BYSL: variants seen among roughly 807,000 people sequenced by gnomAD.
BYSL encodes bystin like.
Under a neutral mutation model 45.4 loss-of-function variants are expected in BYSL, and 21 were observed. The ratio of observed to expected loss-of-function variants is 0.46; its 90% confidence interval spans 0.33 to 0.67. The LOEUF (loss-of-function observed/expected upper bound fraction) is 0.67. Among genes scored for constraint, BYSL ranks in the 30% least tolerant of loss-of-function variants. The probability of loss-of-function intolerance (pLI) is 0.02; values close to 1 mark genes in which losing one functional copy is unlikely to be tolerated. For missense variants in BYSL, 522 were observed against 578.5 expected, an observed-to-expected ratio of 0.90 and a Z score of 1.00; for synonymous variants, 215 against 231.3, an observed-to-expected ratio of 0.93 and a Z score of 0.64.
upstream of BYSL, chr6:41,917,813 C>G: frequency 2.1e-6 from 1 of 470,914 alleles, no homozygotes; most frequent in Non-Finnish European, 4.4e-6. Context: ...TGAACTTGAG[C>G]TGTTCAGCAC....
At chr6:41,920,490 C>T (rs1775433236), upstream of BYSL, among the ~76,000 whole-genome samples, 1 of 152,168 alleles carries the variant, frequency 6.6e-6, no homozygotes, top group Admixed American at 6.6e-5. Flanking sequence ...AGTACTATGG[C>T]CTCACGGGAA....
chr6:41,927,476 T>C lies in BYSL; in HGVS notation c.371T>C (p.Val124Ala). Reference protein sequence around the residue: ...MTAAGHHAEVVVDPEDERAIE... With the variant: ...MTAAGHHAEVAVDPEDERAIE... ...GCAGCGGGCCATCATGCAGAGGTGG[T>C]TGTGGACCCTGAGGATGAGCGTGCC... The change falls in exon 2 of 7, where the codon GTT (valine) becomes GCT (alanine). Residue 124 changes from valine to alanine, a missense_variant. Transcript: ENST00000230340. 1 of 1,614,040 alleles carries C rather than the reference T, an allele frequency of 6.2e-7. No homozygotes were observed. The highest frequency in any genetic ancestry group is 8.5e-7 in the Non-Finnish European group (1 of 1,179,962).
chr6:41,921,223 A>G (rs576139087), upstream of BYSL: 1 of 682,378 alleles, frequency 1.5e-6, no homozygotes, highest in Non-Finnish European at 2.4e-6. Context: ...CACTGACATC[A>G]TCTGCGGATT....
chr6:41,927,475 G>A lies in BYSL; in HGVS notation c.370G>A (p.Val124Ile), dbSNP rs1385411908. The A allele has an allele frequency of 6.2e-7, 1 of 1,614,192 alleles. No individual in the cohort carries two copies. Among genetic ancestry groups the A allele is most frequent in the Non-Finnish European group, 8.5e-7 (1 of 1,180,012 alleles). Reference sequence around the variant, plus strand: ...AGCAGCGGGCCATCATGCAGAGGTGGTTGTGGACCCTGAGGATGAGCGTGC... The same window carrying A: ...AGCAGCGGGCCATCATGCAGAGGTGATTGTGGACCCTGAGGATGAGCGTGC... ...MTAAGHHAEV[V>I]VDPEDERAIE... Residue 124 changes from valine (V) to isoleucine (I), a missense_variant, in exon 2 of 7, where the codon GTT becomes ATT. Physicochemically the swap from Val to Ile is conservative, Grantham distance 29. Coordinates refer to ENST00000230340, the MANE Select transcript of BYSL (RefSeq NM_004053.4).
At chr6:41,924,919 A>G (rs1775542000) in intron 1 of BYSL, among the ~76,000 whole-genome samples, 1 of 152,178 alleles carries the variant, frequency 6.6e-6, no homozygotes, top group South Asian at 2.1e-4. Context: ...AATATGATTT[A>G]GTAATTGATT....
At position 41,921,554 on chromosome 6, in the gene BYSL, T is replaced by C. The variant is rs1431283507; in HGVS notation, c.-9T>C. The C allele has an allele frequency of 6.4e-7, 1 of 1,555,658 alleles. No homozygotes were observed. ...CGTGCGATCCTTCCCGGCAACTTTT[T>C]CGAGAAAAATGCCCAAATTCAAGGC... On this transcript the variant is annotated 5_prime_UTR_variant, in exon 1 of 7. Transcript: ENST00000230340.
chr6:41,929,785 A>G (rs1775611662), intron 2 of BYSL, among the ~76,000 whole-genome samples: 1 of 152,242 alleles, frequency 6.6e-6, no homozygotes, highest in Admixed American at 6.5e-5. Flanking sequence ...AAATGAGGAA[A>G]CAGAGGCATA....
At chr6:41,909,248 C>T in the BYSL span, 6 of 1,608,538 alleles carry the variant, frequency 3.7e-6, no homozygotes, top group South Asian at 6.6e-5. Flanking sequence ...CATCCTGCTC[C>T]TATTTTCACC....
At chr6:41,921,208 GC>G (rs1249111012), upstream of BYSL, 6 of 726,052 alleles carry the variant, frequency 8.3e-6, no homozygotes, top group South Asian at 1.2e-4. Context: ...CCTCGGTGAC[GC>G]CTCCACTGAC....
At chr6:41,911,604 A>C in the BYSL span, among the ~76,000 whole-genome samples, 2 of 152,328 alleles carry the variant, frequency 1.3e-5, no homozygotes, top group East Asian at 3.9e-4. Flanking sequence ...TTGAACTGCA[A>C]TATGAAGAGA....
upstream of BYSL, chr6:41,921,479 G>T (rs2127383499): frequency 2.0e-6 from 3 of 1,475,502 alleles, no homozygotes; most frequent in African/African-American, 1.4e-5. Flanking sequence ...GGCCTCTTGG[G>T]CGCTGGGAGT....
At chr6:41,927,017 C>G (rs900817039) in intron 1 of BYSL, among the ~76,000 whole-genome samples, 4 of 151,132 alleles carry the variant, frequency 2.6e-5, no homozygotes, top group Admixed American at 1.3e-4. Flanking sequence ...TGGCATGAAC[C>G]CGGGAGGCGG....
upstream of BYSL, chr6:41,916,962 G>T: frequency 6.2e-7 from 1 of 1,613,030 alleles, no homozygotes. Flanking sequence ...GCACCAAATC[G>T]TCAGTTATCC....
At chr6:41,916,709 G>A, upstream of BYSL, 2 of 1,554,642 alleles carry the variant, frequency 1.3e-6, no homozygotes, top group East Asian at 2.3e-5. Context: ...CAGAAAAGCA[G>A]AAAGACTTCA....
chr6:41,931,945 C>A, intron 6 of BYSL, 115 bp downstream of exon 6: 1 of 1,016,528 alleles, frequency 9.8e-7, no homozygotes, highest in Non-Finnish European at 1.5e-6. Flanking sequence ...TGGGTTTGTG[C>A]TTGTTTAAGC....
the BYSL span, among the ~76,000 whole-genome samples, chr6:41,910,129 C>T: frequency 6.6e-6 from 1 of 152,200 alleles, no homozygotes; most frequent in South Asian, 2.1e-4. Context: ...AAACCAATGG[C>T]AAACCGTTGG....
At position 41,921,567 on chromosome 6, in the gene BYSL, C is replaced by G; in HGVS notation, c.5C>G (p.Pro2Arg). M[P>R]KFKAARGVGG... The stretch of plus-strand genomic sequence containing the variant: ...CCGGCAACTTTTTCGAGAAAAATGC[C>G]CAAATTCAAGGCGGCCCGTGGGGTG... The change falls in exon 1 of 7, where the codon CCC becomes CGC. Residue 2 changes from proline to arginine, a missense_variant. Coordinates refer to ENST00000230340, the MANE Select transcript of BYSL (RefSeq NM_004053.4). 1 of 1,566,252 alleles carries G rather than the reference C, an allele frequency of 6.4e-7. No homozygotes were observed. Among genetic ancestry groups the G allele is most frequent in the East Asian group, 2.3e-5 (1 of 44,006 alleles).
chr6:41,931,849 G>A lies in BYSL; in HGVS notation c.968+19G>A. 6.2e-7 allele frequency: 1 copy of A among 1,600,796 alleles called. No homozygotes were observed. Among genetic ancestry groups the A allele is most frequent in the Non-Finnish European group, 8.6e-7 (1 of 1,167,954 alleles). ...ACTCCAGGTAGTATTGCTGGGGGTG[G>A]AAGGGGGCTGGTCAGTGGATATCCA... On this transcript the variant is annotated intron_variant, in intron 6 of 6. Transcript: ENST00000230340.
At chr6:41,930,861 T>G (rs1009758366) in intron 4 of BYSL, 93 bp downstream of exon 4, 3 of 1,472,852 alleles carry the variant, frequency 2.0e-6, no homozygotes, top group Non-Finnish European at 2.7e-6. Context: ...CCCAGGGCAT[T>G]TGAGCTTTGC....
Sources: gnomAD v4.1 joint callset for allele counts (sites outside exome capture counted in the v4.1 genomes callset) on GRCh38, gnomAD v4.1.1 for gene constraint, MANE v1.5 for transcripts, NCBI Gene and HGNC (gene_info 2026-07-23, HGNC 2026-07-21) for gene names.